The following SNHG17 variants were observed in gnomAD, a reference collection of about 807,000 sequenced individuals.
SNHG17 encodes small nucleolar RNA host gene 17 (non-protein coding).
intron 5 of SNHG17, among the ~76,000 whole-genome samples, chr20:38,422,466 G>A (rs560633560): frequency 6.6e-6 from 1 of 152,268 alleles, no homozygotes; most frequent in Admixed American, 6.5e-5. Flanking sequence ...CCACATTATT[G>A]TCTCAGGAAC....
intron 2 of SNHG17, chr20:38,432,143 C>A (rs1334607898): frequency 1.0e-6 from 1 of 985,328 alleles, no homozygotes; most frequent in Non-Finnish European, 1.2e-6. Context: ...CTGGAAAGGA[C>A]AAGGAGAGTA....
chr20:38,430,589 T>C (rs1263178191), intron 3 of SNHG17, among the ~76,000 whole-genome samples: 6 of 152,144 alleles, frequency 3.9e-5, no homozygotes, highest in Admixed American at 3.9e-4. Context: ...GCCATTGCAC[T>C]CTAGCCTGGG....
intron 2 of SNHG17, chr20:38,433,940 C>T (rs788347): frequency 0.18 from 94,791 of 519,056 alleles, 10,113 homozygotes; most frequent in African/African-American, 0.37. Flanking sequence ...CGCGATTTCT[C>T]TCCCTGCACT....
In SNHG17 at chr20:38,426,995, T is replaced by C. The variant is rs1054632724; in HGVS notation, n.381-492A>G. On this transcript the variant is annotated intron_variant and non_coding_transcript_variant, in intron 3 of 8. Transcript: ENST00000654008. ...CCCTATCCTGTCCCCAAGTTACACA[T>C]ACACACACACACACACACACACACA... Among the ~76,000 whole-genome samples, 332 of 125,532 alleles carry C rather than the reference T, an allele frequency of 2.6e-3. 9 individuals carry two copies. The highest frequency in any genetic ancestry group is 3.4e-3 in the East Asian group (13 of 3,856). The allele number at this position is 125,532 out of a possible 152,430, so 82.4% of individuals were successfully genotyped here.
intron 2 of SNHG17, chr20:38,433,787 C>A (rs2084377694): frequency 1.9e-6 from 1 of 518,390 alleles, no homozygotes; most frequent in South Asian, 1.4e-5. Context: ...TGGAACCCTG[C>A]ACTGAGCCTT....
intron 5 of SNHG17, chr20:38,424,955 T>G: frequency 4.0e-6 from 1 of 251,170 alleles, no homozygotes; most frequent in Non-Finnish European, 8.2e-6. Context: ...CATGTGGAGG[T>G]TACTGGGGGA....
In SNHG17 at chr20:38,431,328, G is replaced by A. The variant is rs532358492; in HGVS notation, n.309-216C>T. ...GGACAATGGTGCCTCTACACAAGAG[G>A]AAAACCTTGTAACTTTTCCTTTATT... On this transcript the variant is annotated intron_variant and non_coding_transcript_variant, in intron 2 of 8. Coordinates refer to ENST00000654008, the Ensembl canonical transcript of SNHG17. Among the ~76,000 whole-genome samples, 163 of 152,360 alleles carry A rather than the reference G, an allele frequency of 1.1e-3. 1 individual carries two copies. The South Asian group carries it at 0.026, about 24-fold the overall frequency.
At chr20:38,424,906 G>C (rs2084219727) in intron 5 of SNHG17, among the ~76,000 whole-genome samples, 1 of 152,228 alleles carries the variant, frequency 6.6e-6, no homozygotes, top group Non-Finnish European at 1.5e-5. Context: ...GTGTATGGTA[G>C]ATGCATGTAA....
chr20:38,424,169 C>CA (rs397955763), intron 5 of SNHG17, among the ~76,000 whole-genome samples: 7,337 of 110,860 alleles, frequency 0.066, 536 homozygotes, highest in African/African-American at 0.21. Context: ...GACTGGGTCT[C>CA]AAAAAAAAAA....
intron 3 of SNHG17, among the ~76,000 whole-genome samples, chr20:38,426,901 C>A (rs2084256979): frequency 6.7e-6 from 1 of 150,262 alleles, no homozygotes. Context: ...AGCACTTTCT[C>A]TTTCTTACGA....
chr20:38,427,164 T>C lies in SNHG17; in HGVS notation n.381-661A>G, dbSNP rs2084263405. On this transcript the variant is annotated intron_variant and non_coding_transcript_variant, in intron 3 of 8. Coordinates refer to ENST00000654008, the Ensembl canonical transcript of SNHG17. ...TACATATCACATTCCCTTCCTGATCTACCCCTCAGAACACAGAGCCTGGTT... is the reference window on the plus strand; with the variant it reads ...TACATATCACATTCCCTTCCTGATCCACCCCTCAGAACACAGAGCCTGGTT... 3 of 314,362 alleles carry C rather than the reference T, an allele frequency of 9.5e-6. No homozygotes were observed. The Admixed American group carries it at 1.0e-4, about 11-fold the overall frequency. The allele number at this position is 314,362 out of a possible 1,614,324, so 19.5% of individuals were successfully genotyped here. A position where few individuals can be genotyped will look rare whatever the true frequency, so the allele number is the denominator to read the frequency against.
intron 2 of SNHG17, among the ~76,000 whole-genome samples, chr20:38,432,857 C>T (rs898734429): frequency 3.3e-5 from 5 of 151,886 alleles, no homozygotes; most frequent in Non-Finnish European, 7.4e-5. Context: ...GCCATATTGC[C>T]CAGGTTGGTC....
chr20:38,422,667 T>A (rs2084176275), intron 5 of SNHG17, among the ~76,000 whole-genome samples: 1 of 152,110 alleles, frequency 6.6e-6, no homozygotes, highest in Non-Finnish European at 1.5e-5. Context: ...CAATATTCAC[T>A]GCGGCATTAC....
At chr20:38,422,774 A>G (rs916114476) in intron 5 of SNHG17, among the ~76,000 whole-genome samples, 1 of 152,016 alleles carries the variant, frequency 6.6e-6, no homozygotes, top group African/African-American at 2.4e-5. Context: ...CGCACACACA[A>G]CAAAACATTA....
At chr20:38,431,226 G>A (rs377441088) in intron 2 of SNHG17, 2 of 152,286 alleles carry the variant, frequency 1.3e-5, no homozygotes, top group African/African-American at 4.8e-5. Flanking sequence ...CAGTGTCTCA[G>A]GAGGTGAATG....
chr20:38,425,289 T>C, intron 5 of SNHG17: 1 of 519,166 alleles, frequency 1.9e-6, no homozygotes, highest in Non-Finnish European at 3.8e-6. Context: ...GCACTATCAA[T>C]GACCAGGGCA....
chr20:38,427,142 A>G (rs1226208785), intron 3 of SNHG17, among the ~76,000 whole-genome samples: 1 of 139,344 alleles, frequency 7.2e-6, no homozygotes, highest in Admixed American at 7.2e-5. Flanking sequence ...GACTCATTAC[A>G]TATCACATTC....
chr20:38,434,679 G>C, intron 1 of SNHG17: 1 of 241,814 alleles, frequency 4.1e-6, no homozygotes, highest in Non-Finnish European at 6.7e-6. Context: ...CCCGGGGACA[G>C]AAGTCCAGAC....
intron 5 of SNHG17, chr20:38,425,330 G>C (rs1398409439): frequency 3.9e-6 from 2 of 518,920 alleles, no homozygotes; most frequent in African/African-American, 3.9e-5. Context: ...TCGAATACAG[G>C]GACAAAATAG....
Sources: allele counts gnomAD v4.1 joint callset (sites outside exome capture counted in the v4.1 genomes callset), GRCh38; gene constraint gnomAD v4.1.1; transcripts MANE v1.5; gene names NCBI Gene and HGNC (gene_info 2026-07-23, HGNC 2026-07-21).